NAA35: variants seen among roughly 807,000 people sequenced by gnomAD.
NAA35 encodes the protein N-alpha-acetyltransferase 35, NatC auxiliary subunit.
In NAA35, 18 loss-of-function variants were observed where a neutral mutation model predicts 101.7. The observed-to-expected ratio is 0.18, with a 90% CI of 0.12 to 0.26. The LOEUF (loss-of-function observed/expected upper bound fraction) is 0.26. Among genes scored for constraint, NAA35 ranks in the 10% least tolerant of loss-of-function variants. The pLI, the probability that NAA35 is intolerant of heterozygous loss-of-function variation, is 1.00. For synonymous variants in NAA35, 267 were observed against 273.1 expected (o/e 0.98, Z 0.22); for missense variants, 601 against 886.8 (o/e 0.68, Z 4.09).
intron 3 of NAA35, 46 bp downstream of exon 3, chr9:85,956,439 T>G (rs1330805857): frequency 1.7e-6 from 2 of 1,187,490 alleles, no homozygotes; most frequent in East Asian, 2.8e-5. Context: ...TGTTTCAGTC[T>G]GTTTTTTTTT....
chr9:85,941,424 C>T, intron 1 of NAA35, 151 bp downstream of exon 1: 1 of 985,356 alleles, frequency 1.0e-6, no homozygotes, highest in African/African-American at 1.7e-5. Context: ...GGCGGGCTCC[C>T]CAGTGCCCGC....
At chr9:85,968,634 C>CT (rs138194519) in intron 6 of NAA35, among the ~76,000 whole-genome samples, 10,222 of 148,684 alleles carry the variant, frequency 0.069, 441 homozygotes, top group Non-Finnish European at 0.1. Context: ...GTTCTCTGCT[C>CT]TTTTTTTTTT....
intron 6 of NAA35, among the ~76,000 whole-genome samples, chr9:85,968,271 C>T (rs753044275): frequency 3.9e-5 from 6 of 152,164 alleles, no homozygotes; most frequent in East Asian, 1.9e-4. Context: ...AGTTCAGTGG[C>T]GCTATCTCGG....
At chr9:85,976,576 C>A in intron 8 of NAA35, 109 bp from the exon 9 acceptor site, 1 of 735,518 alleles carries the variant, frequency 1.4e-6, no homozygotes, top group Non-Finnish European at 2.1e-6. Context: ...ACTATTTTCC[C>A]CAAAAACAGA....
At chr9:85,958,066 C>T (rs1352234003) in intron 3 of NAA35, among the ~76,000 whole-genome samples, 2 of 152,000 alleles carry the variant, frequency 1.3e-5, no homozygotes, top group Non-Finnish European at 2.9e-5. Context: ...CTCAGCCTCC[C>T]AAGTAGCTGG....
At chr9:85,946,218 T>C (rs1344367920) in intron 2 of NAA35, among the ~76,000 whole-genome samples, 1 of 152,116 alleles carries the variant, frequency 6.6e-6, no homozygotes, top group African/African-American at 2.4e-5. Flanking sequence ...CATTCCTCAC[T>C]ACAGCCTTGA....
At chr9:85,981,897 T>G (rs1265979743) in intron 11 of NAA35, among the ~76,000 whole-genome samples, 1 of 152,236 alleles carries the variant, frequency 6.6e-6, no homozygotes, top group East Asian at 1.9e-4. Context: ...GCCTTCTGAT[T>G]ATATTACAAC....
intron 11 of NAA35, among the ~76,000 whole-genome samples, chr9:85,982,850 T>A (rs913369352): frequency 1.8e-4 from 28 of 152,280 alleles, no homozygotes; most frequent in Middle Eastern, 3.4e-3. Context: ...AGCAACAAAA[T>A]TATTTTAGAA....
At chr9:85,983,259 C>A (rs1326175427) in intron 11 of NAA35, among the ~76,000 whole-genome samples, 1 of 152,172 alleles carries the variant, frequency 6.6e-6, no homozygotes, top group Non-Finnish European at 1.5e-5. Flanking sequence ...TGCTCCTCTC[C>A]TCGCTCCACT....
chr9:85,942,235 A>C lies in NAA35; in HGVS notation c.76A>C (p.Asn26His). The change falls in exon 2 of 23, where the codon AAT becomes CAT. Residue 26 changes from asparagine (N) to histidine (H), a missense_variant. Transcript: ENST00000361671. ...TATGCCAGAAAAAATGGAGAAAAGC[A>C]ATACAAACTGGGTGGACATTACCCA... ...LSMPEKMEKS[N>H]TNWVDITQDF... 1 of 1,614,164 alleles carries C rather than the reference A, an allele frequency of 6.2e-7. No homozygotes were observed. Among genetic ancestry groups the C allele is most frequent in the Non-Finnish European group, 8.5e-7 (1 of 1,180,012 alleles).
intron 11 of NAA35, 58 bp downstream of exon 11, chr9:85,978,439 G>A: frequency 8.2e-7 from 1 of 1,220,822 alleles, no homozygotes. Flanking sequence ...AAAATATTTA[G>A]TGCTTAGCTT....
intron 2 of NAA35, among the ~76,000 whole-genome samples, chr9:85,949,506 G>T (rs1828919600): frequency 6.6e-6 from 1 of 151,734 alleles, no homozygotes. Context: ...TGTTGGCTAG[G>T]CTGGTCTCGA....
chr9:85,946,000 T>A (rs1442471709), intron 2 of NAA35, among the ~76,000 whole-genome samples: 2 of 152,170 alleles, frequency 1.3e-5, no homozygotes, highest in Admixed American at 6.5e-5. Flanking sequence ...TTATAACTAC[T>A]CTTGAGGCTC....
At chr9:85,948,990 C>T (rs563832306) in intron 2 of NAA35, among the ~76,000 whole-genome samples, 2 of 152,034 alleles carry the variant, frequency 1.3e-5, no homozygotes, top group East Asian at 1.9e-4. Context: ...CTCATGACCT[C>T]GGGTGATCCA....
chr9:85,953,131 T>C (rs984246003), intron 2 of NAA35, among the ~76,000 whole-genome samples: 2 of 152,008 alleles, frequency 1.3e-5, no homozygotes, highest in Admixed American at 1.3e-4. Flanking sequence ...GAGGATCACC[T>C]GAGCCTGGGA....
At chr9:85,961,007 T>C (rs1403013203) in intron 5 of NAA35, among the ~76,000 whole-genome samples, 1 of 151,480 alleles carries the variant, frequency 6.6e-6, no homozygotes, top group South Asian at 2.1e-4. Flanking sequence ...GTAGGAGGAG[T>C]GTGGGATTAG....
intron 15 of NAA35, 120 bp from the exon 16 acceptor site, chr9:86,012,926 C>T (rs1314439438): frequency 5.9e-6 from 3 of 510,346 alleles, no homozygotes; most frequent in Non-Finnish European, 9.7e-6. Flanking sequence ...ATACATAGAC[C>T]TAATTCTTAC....
chr9:85,973,250 C>T (rs1021932947), intron 6 of NAA35, among the ~76,000 whole-genome samples: 2 of 152,120 alleles, frequency 1.3e-5, no homozygotes, highest in South Asian at 4.1e-4. Flanking sequence ...GATGTAGGGC[C>T]ATAGAGGCCA....
chr9:85,960,543 A>G (rs1306126134), intron 5 of NAA35, among the ~76,000 whole-genome samples: 1 of 152,200 alleles, frequency 6.6e-6, no homozygotes, highest in Non-Finnish European at 1.5e-5. Flanking sequence ...GAGCTTTATT[A>G]GATATCTGTA....
Sources: allele counts gnomAD v4.1 joint callset (sites outside exome capture counted in the v4.1 genomes callset), GRCh38; gene constraint gnomAD v4.1.1; transcripts MANE v1.5; gene names NCBI Gene and HGNC (gene_info 2026-07-23, HGNC 2026-07-21).